Variants in DLGAP2 observed in about 807,000 individuals in gnomAD.
DLGAP2 encodes the protein disks large-associated protein 2.
In DLGAP2, 26 loss-of-function variants were observed where a neutral mutation model predicts 100.3. The ratio of observed to expected loss-of-function variants is 0.26; its 90% CI spans 0.19 to 0.36. The LOEUF is 0.36. Ranked by LOEUF, DLGAP2 falls within the 10% of genes least tolerant of loss-of-function variation. The probability of loss-of-function intolerance (pLI) is 1.00; values close to 1 mark genes in which losing one functional copy is unlikely to be tolerated. For synonymous variants in DLGAP2, 886 were observed against 630.1 expected, an observed-to-expected ratio of 1.41 and a Z score of -6.08; for missense variants, 1,858 against 1,453.2, an observed-to-expected ratio of 1.28 and a Z score of -4.53.
intron 2 of DLGAP2, among the ~76,000 whole-genome samples, chr8:1,069,103 C>G (rs977247634): frequency 6.6e-6 from 1 of 152,218 alleles, no homozygotes; most frequent in African/African-American, 2.4e-5. Flanking sequence ...TTTATTGCAG[C>G]TGACGCGGCA....
chr8:1,387,824 A>G (rs573063223), intron 3 of DLGAP2, among the ~76,000 whole-genome samples: 1 of 152,170 alleles, frequency 6.6e-6, no homozygotes, highest in African/African-American at 2.4e-5. Flanking sequence ...AAGGCATGAA[A>G]TTGTCCAGGA....
intron 2 of DLGAP2, among the ~76,000 whole-genome samples, chr8:1,249,257 C>A (rs763614351): frequency 6.6e-6 from 1 of 152,116 alleles, no homozygotes; most frequent in East Asian, 1.9e-4. Context: ...GAATGGCAGA[C>A]TCAGAAATGG....
Position 1,176,582 on chromosome 8 carries a change from A to G in DLGAP2, c.74-82269A>G, listed in dbSNP as rs181740891. Among the ~76,000 whole-genome samples, 37 of 114,796 alleles carry G rather than the reference A, an allele frequency of 3.2e-4. No homozygotes were observed. The East Asian group carries it at 9.0e-3, about 28-fold the overall frequency. 75.3% of individuals were successfully genotyped at this position (114,796 alleles called of 152,430 possible). A position where few individuals can be genotyped will look rare whatever the true frequency, so the allele number is the denominator to read the frequency against. ...CGTTGTTCATGCTCAGGTCCCACCC[A>G]TCTCAATCCAGTGCACGACAGGGGT... On this transcript the variant is annotated intron_variant, in intron 2 of 14. Coordinates refer to ENST00000637795, the MANE Select transcript of DLGAP2 (RefSeq NM_001346810.2).
intron 3 of DLGAP2, among the ~76,000 whole-genome samples, chr8:1,287,442 T>G (rs1441936314): frequency 8.7e-6 from 1 of 115,372 alleles, no homozygotes. Flanking sequence ...TGTGTGTGGT[T>G]GTTAGGAGGG....
In DLGAP2 at chr8:1,664,051, A is replaced by G. The variant is rs149386902; in HGVS notation, c.1811-4278A>G. On this transcript the variant is annotated intron_variant, in intron 8 of 14. Transcript: ENST00000637795. The stretch of plus-strand genomic sequence containing the variant: ...GAGAATAGTGGTTTTGTTGATGACA[A>G]CTGATCCACTGATACCAAACCCTCC... Among the ~76,000 whole-genome samples the G allele has an allele frequency of 5.5e-4, 83 of 152,260 alleles. 1 individual carries two copies. Among genetic ancestry groups the G allele is most frequent in the Admixed American group, 5.4e-3 (83 of 15,306 alleles).
chr8:1,448,539 G>A (rs570570810), intron 3 of DLGAP2, among the ~76,000 whole-genome samples: 2 of 152,176 alleles, frequency 1.3e-5, no homozygotes, highest in Non-Finnish European at 2.9e-5. Context: ...GGTGTGGTGT[G>A]GTGCTGAAAA....
At chr8:869,110 G>A (rs1178504318) in intron 1 of DLGAP2, among the ~76,000 whole-genome samples, 6 of 152,012 alleles carry the variant, frequency 3.9e-5, no homozygotes, top group South Asian at 2.1e-4. Context: ...TCTCCTCCTC[G>A]AGACCCTGCT....
At chr8:1,562,339 A>G (rs1220455424) in intron 5 of DLGAP2, among the ~76,000 whole-genome samples, 2 of 24,862 alleles carry the variant, frequency 8.0e-5, no homozygotes, top group Non-Finnish European at 6.8e-5. Flanking sequence ...TTACTGGGGG[A>G]CTGTGTGGTG....
At chr8:1,545,377 G>A (rs187242068) in intron 4 of DLGAP2, among the ~76,000 whole-genome samples, 165 of 152,314 alleles carry the variant, frequency 1.1e-3, no homozygotes, top group African/African-American at 3.8e-3. Flanking sequence ...CGCCCCATAA[G>A]TGCAACAGTA....
At chr8:1,425,340 C>G (rs973584702) in intron 3 of DLGAP2, among the ~76,000 whole-genome samples, 2 of 152,130 alleles carry the variant, frequency 1.3e-5, no homozygotes, top group African/African-American at 4.8e-5. Context: ...CAGAAGGGGA[C>G]CTGGTGTTAA....
chr8:760,491 C>T (rs1821053335), intron 1 of DLGAP2, among the ~76,000 whole-genome samples: 2 of 152,190 alleles, frequency 1.3e-5, no homozygotes, highest in African/African-American at 4.8e-5. Flanking sequence ...AAACTCTACC[C>T]TCATATATTT....
intron 2 of DLGAP2, among the ~76,000 whole-genome samples, chr8:1,221,512 T>C (rs1042893927): frequency 1.3e-5 from 2 of 152,294 alleles, no homozygotes; most frequent in African/African-American, 4.8e-5. Flanking sequence ...CTGCCTCCTC[T>C]CTAGCTGCAT....
intron 3 of DLGAP2, among the ~76,000 whole-genome samples, chr8:1,358,418 G>A (rs964593426): frequency 7.2e-5 from 11 of 152,054 alleles, no homozygotes; most frequent in East Asian, 1.9e-4. Flanking sequence ...TGTATTGATC[G>A]GGGTTTTGGT....
intron 3 of DLGAP2, among the ~76,000 whole-genome samples, chr8:1,497,689 C>T (rs550450205): frequency 2.6e-5 from 4 of 152,282 alleles, no homozygotes; most frequent in Non-Finnish European, 5.9e-5. Context: ...CCTGTCCAGG[C>T]GAACAGGGTT....
chr8:1,529,002 A>G (rs937057368), intron 4 of DLGAP2, among the ~76,000 whole-genome samples: 1 of 152,226 alleles, frequency 6.6e-6, no homozygotes, highest in Admixed American at 6.5e-5. Context: ...CCTCATGTTT[A>G]TAAAATTATA....
intron 1 of DLGAP2, among the ~76,000 whole-genome samples, chr8:799,349 C>T (rs569961695): frequency 4.6e-5 from 7 of 151,856 alleles, no homozygotes; most frequent in African/African-American, 9.7e-5. Context: ...GGGAGTGTGG[C>T]GGGAGGGGGT....
At chr8:1,020,766 C>T (rs1178599216) in intron 2 of DLGAP2, among the ~76,000 whole-genome samples, 1 of 152,166 alleles carries the variant, frequency 6.6e-6, no homozygotes, top group Admixed American at 6.5e-5. Context: ...GAACCCAGGG[C>T]ACAGAGGGGA....
chr8:1,600,410 T>G (rs1171232468), intron 6 of DLGAP2, among the ~76,000 whole-genome samples: 2 of 152,180 alleles, frequency 1.3e-5, no homozygotes, highest in Non-Finnish European at 2.9e-5. Flanking sequence ...TGAATTTGAT[T>G]GTTGGCCTTT....
At position 1,701,363 on chromosome 8, in the gene DLGAP2, A is replaced by G; in HGVS notation, c.3125A>G (p.Asp1042Gly). 6.3e-7 allele frequency: 1 copy of G among 1,592,954 alleles called. No individual in the cohort carries two copies. The highest frequency in any genetic ancestry group is 8.5e-7 in the Non-Finnish European group (1 of 1,170,716). The change falls in exon 15 of 15, where the codon GAC becomes GGC. Residue 1042 changes from aspartate (D) to glycine (G), a missense_variant. Coordinates refer to ENST00000637795, the MANE Select transcript of DLGAP2 (RefSeq NM_001346810.2). Reference protein sequence around the residue: ...FRQNSASERADSIEIYIPEAQ... With the variant: ...FRQNSASERAGSIEIYIPEAQ... ...CAGAATTCCGCCTCCGAGCGCGCGGACAGCATCGAGATCTACATCCCCGAG... is the reference window on the plus strand; with the variant it reads ...CAGAATTCCGCCTCCGAGCGCGCGGGCAGCATCGAGATCTACATCCCCGAG...
Sources: allele counts gnomAD v4.1 joint callset (sites outside exome capture counted in the v4.1 genomes callset), GRCh38; gene constraint gnomAD v4.1.1; transcripts MANE v1.5; gene names NCBI Gene and HGNC (gene_info 2026-07-23, HGNC 2026-07-21).